Variants in F13A1 observed in about 807,000 individuals in gnomAD.
F13A1 encodes coagulation factor XIII A chain.
A neutral mutation model predicts 80.1 loss-of-function variants in F13A1; 47 were observed. That is an observed-to-expected ratio of 0.59 (90% CI 0.46 to 0.75). The LOEUF (loss-of-function observed/expected upper bound fraction) is 0.75. Among genes scored for constraint, F13A1 ranks in the 30% least tolerant of loss-of-function variants. The pLI, the probability that F13A1 is intolerant of heterozygous loss-of-function variation, is 0.00. For missense variants in F13A1, 817 were observed against 930.4 expected (o/e 0.88, Z 1.59); for synonymous variants, 349 against 344.9 (o/e 1.01, Z -0.13).
chr6:6,308,556 C>G (rs544031853), intron 2 of F13A1, among the ~76,000 whole-genome samples: 1 of 149,046 alleles, frequency 6.7e-6, no homozygotes, highest in African/African-American at 2.5e-5. Context: ...TCTTAACTCA[C>G]TGTTGATTTA....
chr6:6,319,325 AG>A (rs1406082610), intron 1 of F13A1, among the ~76,000 whole-genome samples: 5 of 152,240 alleles, frequency 3.3e-5, no homozygotes. Flanking sequence ...CTTAGGGGTG[AG>A]GAGGTAGGAA....
intron 10 of F13A1, among the ~76,000 whole-genome samples, chr6:6,182,594 G>A (rs1175974519): frequency 6.6e-6 from 1 of 152,180 alleles, no homozygotes; most frequent in Non-Finnish European, 1.5e-5. Context: ...GAGGTACATG[G>A]ATGAGTTTGT....
At chr6:6,273,000 C>G (rs928945862) in intron 3 of F13A1, among the ~76,000 whole-genome samples, 7 of 152,154 alleles carry the variant, frequency 4.6e-5, no homozygotes, top group African/African-American at 1.7e-4. Context: ...CCTCCACTTG[C>G]TTTCTGAGGA....
At chr6:6,171,062 C>T (rs1052796246) in intron 12 of F13A1, among the ~76,000 whole-genome samples, 3 of 152,026 alleles carry the variant, frequency 2.0e-5, no homozygotes, top group Non-Finnish European at 4.4e-5. Context: ...CTCACCCATA[C>T]AAGCTCATTC....
At chr6:6,240,743 A>G (rs1369664846) in intron 6 of F13A1, among the ~76,000 whole-genome samples, 5 of 152,210 alleles carry the variant, frequency 3.3e-5, no homozygotes, top group African/African-American at 9.6e-5. Context: ...ATGAACAGAA[A>G]TGAAAATCCC....
chr6:6,306,798 ACCC>A (rs1758518933), intron 2 of F13A1, among the ~76,000 whole-genome samples: 1 of 152,170 alleles, frequency 6.6e-6, no homozygotes, highest in African/African-American at 2.4e-5. Flanking sequence ...CTGAGCTTGT[ACCC>A]ATGCCGGGGC....
At chr6:6,190,129 A>T (rs1761159332) in intron 10 of F13A1, among the ~76,000 whole-genome samples, 1 of 151,520 alleles carries the variant, frequency 6.6e-6, no homozygotes, top group African/African-American at 2.4e-5. Context: ...ATTCTTCTAA[A>T]TTTTTTTCAA....
rs989692467 is a variant in F13A1 at position 6,206,078 on chromosome 6, TAATA to T, written c.1113-8756_1113-8753del. On this transcript the variant is annotated intron_variant, in intron 8 of 14. Coordinates refer to ENST00000264870, the MANE Select transcript of F13A1 (RefSeq NM_000129.4). Reference sequence around the variant, plus strand: ...AGTCTAATGTATAAAAAAGTTTATATAATAAATTCTGGACAAGTGTCTCCATAAT... The same window carrying T: ...AGTCTAATGTATAAAAAAGTTTATATAATTCTGGACAAGTGTCTCCATAAT... Among the ~76,000 whole-genome samples, 24 of 152,330 alleles carry T rather than the reference TAATA, an allele frequency of 1.6e-4. No individual in the cohort carries two copies. The South Asian group carries it at 4.4e-3, about 28-fold the overall frequency.
Position 6,255,715 on chromosome 6 carries a change from C to T in F13A1, c.572-4786G>A, listed in dbSNP as rs184003378. Among the ~76,000 whole-genome samples the T allele has an allele frequency of 7.4e-3, 1,122 of 152,234 alleles. 10 individuals carry two copies. Among genetic ancestry groups the T allele is most frequent in the African/African-American group, 0.026 (1,065 of 41,512 alleles). ...GGAGTTCTGGAGCTCCAGACTAGGCCACCCTTTCCCTTCCAACACTTGAAT... is the reference window on the plus strand; with the variant it reads ...GGAGTTCTGGAGCTCCAGACTAGGCTACCCTTTCCCTTCCAACACTTGAAT... On this transcript the variant is annotated intron_variant, in intron 4 of 14. Coordinates refer to ENST00000264870, the MANE Select transcript of F13A1 (RefSeq NM_000129.4).
intron 8 of F13A1, 21 bp downstream of exon 8, chr6:6,222,012 G>A (rs755689240): frequency 1.9e-6 from 3 of 1,612,684 alleles, no homozygotes; most frequent in Admixed American, 3.3e-5. Context: ...ATCAGCCAAT[G>A]CCATTGTCAA....
At chr6:6,274,230 T>G (rs971152645) in intron 3 of F13A1, among the ~76,000 whole-genome samples, 1 of 152,212 alleles carries the variant, frequency 6.6e-6, no homozygotes, top group Non-Finnish European at 1.5e-5. Flanking sequence ...CAATAAATAT[T>G]TGGCAAATGG....
At chr6:6,311,510 G>A (rs1285542641) in intron 2 of F13A1, among the ~76,000 whole-genome samples, 1 of 101,010 alleles carries the variant, frequency 9.9e-6, no homozygotes, top group African/African-American at 4.3e-5. Context: ...TTTGAGAATA[G>A]AAAACCTAAG....
At chr6:6,313,597 T>C (rs999786493) in intron 2 of F13A1, among the ~76,000 whole-genome samples, 1 of 152,168 alleles carries the variant, frequency 6.6e-6, no homozygotes, top group Admixed American at 6.5e-5. Context: ...AGGAATTCCC[T>C]AGTGAACTGA....
rs1761000979 is a variant in F13A1 at position 6,182,197 on chromosome 6, T to G, written c.1306-56A>C. On this transcript the variant is annotated intron_variant, in intron 10 of 14. Coordinates refer to ENST00000264870, the MANE Select transcript of F13A1 (RefSeq NM_000129.4). The stretch of plus-strand genomic sequence containing the variant: ...CATCACATGTCTGCTGTTGCCAAAG[T>G]CTTTAACTGTCCATAGAGCAGTCGT... 9.4e-6 allele frequency: 15 copies of G among 1,592,176 alleles called. No homozygotes were observed. In the South Asian group the frequency reaches 1.5e-4, roughly 16 times the overall value.
At chr6:6,160,442 T>C (rs576124974) in intron 13 of F13A1, among the ~76,000 whole-genome samples, 15 of 152,078 alleles carry the variant, frequency 9.9e-5, no homozygotes, top group African/African-American at 3.4e-4. Context: ...ATTCAAGTGA[T>C]TCTCCTGCCT....
At chr6:6,284,872 C>G (rs561935995) in intron 3 of F13A1, among the ~76,000 whole-genome samples, 140 of 152,318 alleles carry the variant, frequency 9.2e-4, no homozygotes, top group African/African-American at 3.2e-3. Context: ...AGCTGATCCT[C>G]TTGCTCTTGA....
rs1758675745 is a variant in F13A1, at chr6:6,316,077, G to GTGTATA, written c.130+2457_130+2458insTATACA. 3.4e-4 allele frequency among the ~76,000 whole-genome samples: 17 copies of GTGTATA among 49,642 alleles called. 1 individual carries two copies. Among genetic ancestry groups the GTGTATA allele is most frequent in the South Asian group, 2.4e-3 (3 of 1,238 alleles). The allele number at this position is 49,642 out of a possible 152,430, so 32.6% of individuals were successfully genotyped here. ...GGTTTGTGTGCTGCTATGTGTGTGT[G>GTGTATA]CATATATATATATATATATATATAT... On this transcript the variant is annotated intron_variant, in intron 2 of 14. Transcript: ENST00000264870.
At chr6:6,288,639 A>T (rs1758170796) in intron 3 of F13A1, among the ~76,000 whole-genome samples, 1 of 152,204 alleles carries the variant, frequency 6.6e-6, no homozygotes. Context: ...TCTTTTCAAC[A>T]TCCTGATTTC....
intron 1 of F13A1, among the ~76,000 whole-genome samples, chr6:6,320,091 C>A (rs1231628372): frequency 2.6e-5 from 4 of 152,058 alleles, no homozygotes; most frequent in Non-Finnish European, 5.9e-5. Flanking sequence ...CAGGAGCCCT[C>A]GCTTCTGGGC....
Sources: gnomAD v4.1 joint callset for allele counts (sites outside exome capture counted in the v4.1 genomes callset) on GRCh38, gnomAD v4.1.1 for gene constraint, MANE v1.5 for transcripts, NCBI Gene and HGNC (gene_info 2026-07-23, HGNC 2026-07-21) for gene names.